PDZD2: variants seen among roughly 807,000 people sequenced by gnomAD.
PDZD2 encodes PDZ domain containing 2.
In PDZD2, 90 loss-of-function variants were observed where a neutral mutation model predicts 220.7. The ratio of observed to expected loss-of-function variants is 0.41; its 90% CI spans 0.34 to 0.49. The LOEUF is 0.49. Ranked by LOEUF, PDZD2 falls within the 20% of genes least tolerant of loss-of-function variation. PDZD2 has a pLI of 0.28. For missense variants in PDZD2, 3,174 were observed against 3,608.5 expected, an observed-to-expected ratio of 0.88 and a Z score of 3.08; for synonymous variants, 1,375 against 1,450.5, an observed-to-expected ratio of 0.95 and a Z score of 1.18.
At chr5:31,900,111 G>GGT (rs1741942932) in intron 2 of PDZD2, among the ~76,000 whole-genome samples, 1 of 152,136 alleles carries the variant, frequency 6.6e-6, no homozygotes, top group South Asian at 2.1e-4. Context: ...CGTAGTGAAC[G>GGT]GTGTCACCAG....
chr5:32,088,276 C>A lies in PDZD2; in HGVS notation c.4828C>A (p.Pro1610Thr). 5 of 1,614,130 alleles carry A rather than the reference C, an allele frequency of 3.1e-6. No homozygotes were observed. The highest frequency in any genetic ancestry group is 4.2e-6 in the Non-Finnish European group (5 of 1,180,006). Reference protein sequence around the residue: ...EICSTRGCPNPPSSPAHLPTQ... With the variant: ...EICSTRGCPNTPSSPAHLPTQ... ...TTGTTCCACACGTGGCTGCCCCAAT[C>A]CACCCTCGAGTCCTGCTCATCTTCC... Residue 1610 changes from proline (P) to threonine (T), a missense_variant, in exon 20 of 25, where the codon CCA becomes ACA. Around this residue, in one of 4 missense-constraint regions of PDZD2, gnomAD observed 1,861 missense variants for 2,001.0 expected, o/e 0.93. Coordinates refer to ENST00000438447, the MANE Select transcript of PDZD2 (RefSeq NM_178140.4). The surrounding 1 kb of genome is among the most constrained non-coding windows in gnomAD (Gnocchi z 4.6).
Position 31,904,340 on chromosome 5 carries a change from C to T in PDZD2, c.477-78815C>T, listed in dbSNP as rs140991545. Among the ~76,000 whole-genome samples, 247 of 152,182 alleles carry T rather than the reference C, an allele frequency of 1.6e-3. 1 individual carries two copies. The highest frequency in any genetic ancestry group is 5.5e-3 in the African/African-American group (230 of 41,504). On this transcript the variant is annotated intron_variant, in intron 2 of 24. Coordinates refer to ENST00000438447, the MANE Select transcript of PDZD2 (RefSeq NM_178140.4). Reference sequence around the variant, plus strand: ...ACATTTAATGAGCACTTGCTGTGGGCGAGGCTGGTCATGGATGAAGCCAAG... The same window carrying T: ...ACATTTAATGAGCACTTGCTGTGGGTGAGGCTGGTCATGGATGAAGCCAAG...
intron 19 of PDZD2, among the ~76,000 whole-genome samples, chr5:32,079,108 A>T (rs1257756114): frequency 2.6e-5 from 4 of 151,564 alleles, no homozygotes; most frequent in Non-Finnish European, 5.9e-5. Flanking sequence ...AAACATAAAA[A>T]AATTAGCGGG....
At chr5:32,024,897 G>A (rs1323441423) in intron 6 of PDZD2, among the ~76,000 whole-genome samples, 1 of 152,136 alleles carries the variant, frequency 6.6e-6, no homozygotes, top group Admixed American at 6.6e-5. Flanking sequence ...AAATAAATGG[G>A]CATGACTGTG....
Position 32,010,441 on chromosome 5 carries a change from G to A in PDZD2, c.1366G>A (p.Gly456Arg), listed in dbSNP as rs148515549. 53 of 1,612,586 alleles carry A rather than the reference G, an allele frequency of 3.3e-5. No homozygotes were observed. The highest frequency in any genetic ancestry group is 1.6e-4 in the Middle Eastern group (1 of 6,082). Residue 456 changes from glycine (G) to arginine (R), a missense_variant, in exon 6 of 25, where the codon GGG becomes AGG. Gly to Arg is a moderately radical substitution (Grantham distance 125, BLOSUM62 -2). Transcript: ENST00000438447. ...WTDNEDQEAD[G>R]EEDEGTSSSV... The stretch of plus-strand genomic sequence containing the variant: ...TGATAACGAAGACCAGGAGGCAGAC[G>A]GGGAAGAGGACGAAGGAACCAGCTC...
chr5:31,674,471 A>G (rs1010356223), intron 1 of PDZD2, among the ~76,000 whole-genome samples: 20 of 152,244 alleles, frequency 1.3e-4, no homozygotes, highest in African/African-American at 4.8e-4. Flanking sequence ...ACTTAGAAAT[A>G]GTTTGGTTCC....
At chr5:31,824,689 A>C (rs1337701074) in intron 2 of PDZD2, among the ~76,000 whole-genome samples, 2 of 152,092 alleles carry the variant, frequency 1.3e-5, no homozygotes, top group Non-Finnish European at 2.9e-5. Flanking sequence ...AACCTGAAAA[A>C]AAAAAAAAAG....
At chr5:32,022,845 G>A (rs1409495574) in intron 6 of PDZD2, among the ~76,000 whole-genome samples, 1 of 152,304 alleles carries the variant, frequency 6.6e-6, no homozygotes, top group Non-Finnish European at 1.5e-5. Context: ...CTCACTGATG[G>A]CTTTTCAGTT....
chr5:31,641,738 C>G, intron 1 of PDZD2, among the ~76,000 whole-genome samples: 1 of 152,060 alleles, frequency 6.6e-6, no homozygotes, highest in Non-Finnish European at 1.5e-5. Flanking sequence ...ATCCTGGTGT[C>G]TTGGTCTCCC....
At chr5:31,868,932 C>A (rs1561526079) in intron 2 of PDZD2, among the ~76,000 whole-genome samples, 1 of 151,892 alleles carries the variant, frequency 6.6e-6, no homozygotes, top group Non-Finnish European at 1.5e-5. Flanking sequence ...GCCACCACTC[C>A]TGGCTAATTT....
At chr5:31,883,361 C>T (rs956772219) in intron 2 of PDZD2, among the ~76,000 whole-genome samples, 5 of 150,940 alleles carry the variant, frequency 3.3e-5, no homozygotes, top group Admixed American at 6.6e-5. Context: ...GCTGGGATTA[C>T]AGGTGTGTAC....
At chr5:31,661,616 A>G (rs977562158) in intron 1 of PDZD2, 1 of 152,168 alleles carries the variant, frequency 6.6e-6, no homozygotes, top group Non-Finnish European at 1.5e-5. Flanking sequence ...TACACGCTCT[A>G]AAGTATGTGA....
intron 7 of PDZD2, among the ~76,000 whole-genome samples, chr5:32,038,884 C>T (rs2112231611): frequency 6.6e-6 from 1 of 152,266 alleles, no homozygotes; most frequent in South Asian, 2.1e-4. Flanking sequence ...AGGAGAACAC[C>T]CTGACTTTGA....
intron 2 of PDZD2, among the ~76,000 whole-genome samples, chr5:31,808,109 A>G (rs1265540932): frequency 1.3e-5 from 2 of 152,100 alleles, no homozygotes; most frequent in Admixed American, 6.5e-5. Context: ...AGAATTGCCA[A>G]TTGTAGCTTG....
At position 31,685,139 on chromosome 5, in the gene PDZD2, A is replaced by G. The variant is rs530229157; in HGVS notation, c.-361+45702A>G. 1.3e-3 allele frequency among the ~76,000 whole-genome samples: 196 copies of G among 152,150 alleles called. 2 individuals carry two copies. The highest frequency in any genetic ancestry group is 1.5e-3 in the Non-Finnish European group (100 of 68,032). ...CTTTATAAGTTTCAATGCTTGTAAG[A>G]GCAGGCGTTCTCTGCCCTACCCGCT... On this transcript the variant is annotated intron_variant, in intron 1 of 24. Transcript: ENST00000438447.
intron 1 of PDZD2, among the ~76,000 whole-genome samples, chr5:31,680,366 C>T (rs1746603518): frequency 1.3e-5 from 2 of 152,148 alleles, no homozygotes; most frequent in Non-Finnish European, 2.9e-5. Context: ...AGAAAGACTT[C>T]CATCCATCTA....
chr5:31,998,774 A>G (rs1041785006), intron 4 of PDZD2, among the ~76,000 whole-genome samples: 1 of 152,214 alleles, frequency 6.6e-6, no homozygotes, highest in Non-Finnish European at 1.5e-5. Context: ...GTTTTAAGAA[A>G]GTTTACCAAT....
At chr5:31,736,966 A>G (rs1325488447) in intron 1 of PDZD2, among the ~76,000 whole-genome samples, 1 of 151,586 alleles carries the variant, frequency 6.6e-6, no homozygotes, top group African/African-American at 2.4e-5. Context: ...TTCCACCATG[A>G]GGCCTCCCCA....
At chr5:31,767,653 G>C (rs1183060703) in intron 1 of PDZD2, among the ~76,000 whole-genome samples, 2 of 152,132 alleles carry the variant, frequency 1.3e-5, no homozygotes, top group African/African-American at 4.8e-5. Context: ...GTCCGTCAAC[G>C]TAAGATGGAG....
Sources: gnomAD v4.1 joint callset for allele counts (sites outside exome capture counted in the v4.1 genomes callset) on GRCh38, gnomAD v4.1.1 for gene constraint, gnomAD v4.1.1 regional missense constraint, Gnocchi (gnomAD v3.1) non-coding constraint, MANE v1.5 for transcripts, NCBI Gene and HGNC (gene_info 2026-07-23, HGNC 2026-07-21) for gene names.